Variants in SUGCT observed in about 807,000 individuals in gnomAD.
The protein encoded by SUGCT is succinyl-CoA:glutarate CoA-transferase.
A neutral mutation model predicts 55.0 loss-of-function variants in SUGCT; 41 were observed. The observed-to-expected ratio is 0.74, with a 90% confidence interval of 0.58 to 0.97. SUGCT has a LOEUF of 0.97. Ranked by LOEUF, SUGCT falls within the 50% of genes least tolerant of loss-of-function variation. SUGCT has a pLI of 0.00. For synonymous variants in SUGCT, 187 were observed against 200.4 expected (o/e 0.93, Z 0.56); for missense variants, 568 against 547.8 (o/e 1.04, Z -0.37).
chr7:40,632,673 A>G (rs1463800318), intron 12 of SUGCT, among the ~76,000 whole-genome samples: 1 of 151,860 alleles, frequency 6.6e-6, no homozygotes, highest in Admixed American at 6.6e-5. Context: ...TCATTCATTC[A>G]TTTGTTCAAA....
intron 9 of SUGCT, among the ~76,000 whole-genome samples, chr7:40,394,735 T>G (rs1785627115): frequency 6.6e-6 from 1 of 152,244 alleles, no homozygotes; most frequent in Non-Finnish European, 1.5e-5. Context: ...TGTGCTTCTA[T>G]GAGTTTGACT....
chr7:40,491,714 G>A (rs1275228794), intron 11 of SUGCT, among the ~76,000 whole-genome samples: 1 of 152,060 alleles, frequency 6.6e-6, no homozygotes, highest in African/African-American at 2.4e-5. Context: ...GGGAGGGCCG[G>A]GTGTGGTGGC....
rs369905485 is a variant in SUGCT at position 40,139,424 on chromosome 7, C to T, written c.100+4304C>T. Among the ~76,000 whole-genome samples, 68 of 152,260 alleles carry T rather than the reference C, an allele frequency of 4.5e-4. 1 individual carries two copies. The South Asian group carries it at 0.012, about 26-fold the overall frequency. ...TGTTGGCCAGGCTTGTCTCAAACTC[C>T]GGACCTCAGCTGATCCACTCACCTC... On this transcript the variant is annotated intron_variant, in intron 1 of 13. Coordinates refer to ENST00000335693, the MANE Select transcript of SUGCT (RefSeq NM_001193313.2).
intron 1 of SUGCT, among the ~76,000 whole-genome samples, chr7:40,179,967 C>T (rs1173110526): frequency 6.6e-6 from 1 of 152,184 alleles, no homozygotes; most frequent in African/African-American, 2.4e-5. Context: ...TAACAATTTA[C>T]CACATTAAAC....
At position 40,324,379 on chromosome 7, in the gene SUGCT, C is replaced by T. The variant is rs570437826; in HGVS notation, c.816+7524C>T. 4.0e-5 allele frequency among the ~76,000 whole-genome samples: 6 copies of T among 151,510 alleles called. No individual in the cohort carries two copies. In the East Asian group the frequency reaches 9.8e-4, roughly 25 times the overall value. ...CAAGCAATTCTTGTGCTTCAGCCTC[C>T]CAAGTAGCTGGGATTACAGATATAC... On this transcript the variant is annotated intron_variant, in intron 9 of 13. Coordinates refer to ENST00000335693, the MANE Select transcript of SUGCT (RefSeq NM_001193313.2).
chr7:40,283,485 T>C (rs536186770), intron 8 of SUGCT, among the ~76,000 whole-genome samples: 54 of 152,214 alleles, frequency 3.5e-4, no homozygotes, highest in Non-Finnish European at 6.5e-4. Flanking sequence ...CACCTTGGCC[T>C]CCCAAAATGC....
intron 9 of SUGCT, among the ~76,000 whole-genome samples, chr7:40,378,628 A>G (rs986802975): frequency 6.6e-6 from 1 of 152,146 alleles, no homozygotes; most frequent in African/African-American, 2.4e-5. Context: ...ATGTGCCATC[A>G]TGCCTGGCTA....
intron 9 of SUGCT, among the ~76,000 whole-genome samples, chr7:40,428,966 A>G (rs1334004353): frequency 1.3e-5 from 2 of 152,168 alleles, no homozygotes; most frequent in Non-Finnish European, 2.9e-5. Context: ...TTTATCTGGG[A>G]CAGTTCTTAT....
At chr7:40,135,937 G>A (rs888872175) in intron 1 of SUGCT, among the ~76,000 whole-genome samples, 1 of 150,878 alleles carries the variant, frequency 6.6e-6, no homozygotes, top group Non-Finnish European at 1.5e-5. Flanking sequence ...GATTACAGAC[G>A]TAATCTCTAT....
intron 6 of SUGCT, among the ~76,000 whole-genome samples, chr7:40,221,123 A>G (rs1562588044): frequency 6.6e-6 from 1 of 152,262 alleles, no homozygotes; most frequent in East Asian, 1.9e-4. Flanking sequence ...ATACACTTTT[A>G]AATTATTATT....
At chr7:40,997,089 C>T in the SUGCT span, among the ~76,000 whole-genome samples, 1 of 152,168 alleles carries the variant, frequency 6.6e-6, no homozygotes, top group African/African-American at 2.4e-5. Context: ...AACCTGGCAT[C>T]CCAAGCCCTC....
intron 12 of SUGCT, among the ~76,000 whole-genome samples, chr7:40,636,578 A>G (rs1470189459): frequency 1.3e-5 from 2 of 152,210 alleles, no homozygotes; most frequent in Non-Finnish European, 2.9e-5. Context: ...GCCTAGAATA[A>G]GCAAATTCTT....
chr7:40,374,725 G>A (rs933842344), intron 9 of SUGCT, among the ~76,000 whole-genome samples: 8 of 152,150 alleles, frequency 5.3e-5, no homozygotes, highest in African/African-American at 1.9e-4. Flanking sequence ...TTTCTCAGCT[G>A]AGTCACTTAT....
In SUGCT at chr7:40,711,837, T is replaced by A. The variant is rs959862282; in HGVS notation, c.1090-37597T>A. On this transcript the variant is annotated intron_variant, in intron 12 of 13. Transcript: ENST00000335693. Reference sequence around the variant, plus strand: ...AGGTTTGTAAACTCTGAGCACAGTATCCAGTCTCATGGGTCTTTGAGTTCC... The same window carrying A: ...AGGTTTGTAAACTCTGAGCACAGTAACCAGTCTCATGGGTCTTTGAGTTCC... Among the ~76,000 whole-genome samples, 70 of 152,250 alleles carry A rather than the reference T, an allele frequency of 4.6e-4. 1 individual carries two copies. The highest frequency in any genetic ancestry group is 1.7e-3 in the African/African-American group (69 of 41,474).
rs1348969223 is a variant in SUGCT, at chr7:40,665,672, A to G, written c.1090-83762A>G. On this transcript the variant is annotated intron_variant, in intron 12 of 13. Transcript: ENST00000335693. ...CATTGTAGGGAAAGAATTACTCTCT[A>G]TAGAGTGGGGACCAAAACCATTTTG... 4.0e-5 allele frequency among the ~76,000 whole-genome samples: 6 copies of G among 151,626 alleles called. No homozygotes were observed. The South Asian group carries it at 6.3e-4, about 16-fold the overall frequency.
chr7:40,727,186 T>A (rs1289392752), intron 12 of SUGCT, among the ~76,000 whole-genome samples: 1 of 152,222 alleles, frequency 6.6e-6, no homozygotes. Context: ...ACGGTACACT[T>A]TTCAATGCTA....
intron 12 of SUGCT, among the ~76,000 whole-genome samples, chr7:40,550,389 T>C (rs961177345): frequency 1.3e-5 from 2 of 152,246 alleles, no homozygotes; most frequent in African/African-American, 4.8e-5. Context: ...TTCCCTGGAA[T>C]ACCTAGTCTT....
At chr7:40,926,373 G>T in the SUGCT span, among the ~76,000 whole-genome samples, 1 of 151,892 alleles carries the variant, frequency 6.6e-6, no homozygotes. Context: ...CCTTAATGGA[G>T]AAATGTTACT....
chr7:40,235,836 T>C (rs58664838), intron 6 of SUGCT, among the ~76,000 whole-genome samples: 71,760 of 151,930 alleles, frequency 0.47, 18,004 homozygotes, highest in African/African-American at 0.66. Flanking sequence ...ACATATATAA[T>C]GAGGGTGCTC....
Sources: gnomAD v4.1 joint callset for allele counts (sites outside exome capture counted in the v4.1 genomes callset) on GRCh38, gnomAD v4.1.1 for gene constraint, MANE v1.5 for transcripts, NCBI Gene and HGNC (gene_info 2026-07-23, HGNC 2026-07-21) for gene names.